Variants in PHF10 observed in about 807,000 individuals in gnomAD.
PHF10 encodes the protein BRG1-associated factor 45a.
PHF10 carries 51 observed loss-of-function variants against 68.5 expected under a neutral mutation model. The observed-to-expected ratio is 0.74, with a 90% CI of 0.59 to 0.94. The LOEUF is 0.94. Among genes scored for constraint, PHF10 ranks in the 40% least tolerant of loss-of-function variants. The pLI, the probability that PHF10 is intolerant of heterozygous loss-of-function variation, is 0.00. For missense variants in PHF10, 460 were observed against 602.6 expected, an observed-to-expected ratio of 0.76 and a Z score of 2.48; for synonymous variants, 204 against 203.5, an observed-to-expected ratio of 1.00 and a Z score of -0.02.
chr6:169,723,281 A>G (rs1401544446), intron 1 of PHF10, among the ~76,000 whole-genome samples: 5 of 152,022 alleles, frequency 3.3e-5, no homozygotes, highest in African/African-American at 1.2e-4. Context: ...GCTCATCTCC[A>G]TTTTCTCCAC....
At chr6:169,713,598 C>CA (rs755248180) in intron 7 of PHF10, among the ~76,000 whole-genome samples, 1,035 of 76,466 alleles carry the variant, frequency 0.014, 12 homozygotes, top group Middle Eastern at 0.043. Context: ...GACTCCATCT[C>CA]AAAAAAAAAA....
intron 1 of PHF10, 35 bp from the exon 2 acceptor site, chr6:169,721,146 A>G (rs1170414224): frequency 8.5e-7 from 1 of 1,171,260 alleles, no homozygotes; most frequent in Non-Finnish European, 1.2e-6. Flanking sequence ...TAATAATTAG[A>G]GAAAGAATAA....
intron 10 of PHF10, 71 bp downstream of exon 10, chr6:169,705,543 GAA>G: frequency 1.1e-6 from 1 of 910,292 alleles, no homozygotes; most frequent in Non-Finnish European, 1.8e-6. Flanking sequence ...AAATCTGCCT[GAA>G]ACTATAAATT....
Position 169,703,954 on chromosome 6 carries a change from C to G in PHF10, c.*49G>C. On this transcript the variant is annotated 3_prime_UTR_variant, in exon 12 of 12. Coordinates refer to ENST00000339209, the MANE Select transcript of PHF10 (RefSeq NM_018288.4). Reference sequence around the variant, plus strand: ...CATGAAAATAATGTTGTAAATGGCACCAAATATTCCACTTAAATGCATATA... The same window carrying G: ...CATGAAAATAATGTTGTAAATGGCAGCAAATATTCCACTTAAATGCATATA... 1 of 1,373,642 alleles carries G rather than the reference C, an allele frequency of 7.3e-7. No individual in the cohort carries two copies. Among genetic ancestry groups the G allele is most frequent in the Non-Finnish European group, 9.9e-7 (1 of 1,008,162 alleles). The allele number at this position is 1,373,642 out of a possible 1,614,324, so 85.1% of individuals were successfully genotyped here.
In PHF10 at chr6:169,712,544, A is replaced by G. The variant is rs1459577756; in HGVS notation, c.804-5T>C. Reference sequence around the variant, plus strand: ...CGCAGCTCATCTGGTGAGTACCTGAAGTTCAGAGAGTTTATTTTTGGTTTC... The same window carrying G: ...CGCAGCTCATCTGGTGAGTACCTGAGGTTCAGAGAGTTTATTTTTGGTTTC... On this transcript the variant is annotated splice_region_variant and splice_polypyrimidine_tract_variant and intron_variant, in intron 7 of 11. Transcript: ENST00000339209. 1.3e-6 allele frequency: 2 copies of G among 1,598,384 alleles called. No homozygotes were observed. The highest frequency in any genetic ancestry group is 2.3e-5 in the South Asian group (2 of 88,082).
At chr6:169,704,254 T>TA in intron 11 of PHF10, 166 bp from the exon 12 acceptor site, 2 of 544,670 alleles carry the variant, frequency 3.7e-6, no homozygotes, top group Non-Finnish European at 6.5e-6. Flanking sequence ...AATGTAAACT[T>TA]AATCAATGTA....
At chr6:169,711,047 T>TA (rs1215978217) in intron 8 of PHF10, among the ~76,000 whole-genome samples, 2 of 152,180 alleles carry the variant, frequency 1.3e-5, no homozygotes, top group Admixed American at 1.3e-4. Context: ...AATTATAAAT[T>TA]AAAAAATTAG....
intron 9 of PHF10, chr6:169,708,053 A>T (rs1244766299): frequency 2.0e-5 from 3 of 152,166 alleles, no homozygotes; most frequent in Non-Finnish European, 4.4e-5. Context: ...AATGGAGCAC[A>T]CTCCTATGTG....
At position 169,705,885 on chromosome 6, in the gene PHF10, A is replaced by C. The variant is rs369691797; in HGVS notation, c.1114-161T>G. Among the ~76,000 whole-genome samples, 29 of 152,322 alleles carry C rather than the reference A, an allele frequency of 1.9e-4. No individual in the cohort carries two copies. In the South Asian group the frequency reaches 3.9e-3, roughly 21 times the overall value. On this transcript the variant is annotated intron_variant, in intron 9 of 11. Coordinates refer to ENST00000339209, the MANE Select transcript of PHF10 (RefSeq NM_018288.4). ...GACAGGAGTCTGCCTACAATGTAAG[A>C]CTGCCTACTGAAGAAAGCATTAATT...
At position 169,714,715 on chromosome 6, in the gene PHF10, A is replaced by G. The variant is rs1244497876; in HGVS notation, c.803+18T>C. Reference sequence around the variant, plus strand: ...TTACCAATAGCCGATACCAACTGTAACTAAAACTACTAAATACCTCTTATA... The same window carrying G: ...TTACCAATAGCCGATACCAACTGTAGCTAAAACTACTAAATACCTCTTATA... On this transcript the variant is annotated intron_variant, in intron 7 of 11. Transcript: ENST00000339209. The G allele has an allele frequency of 8.0e-7, 1 of 1,248,526 alleles. No homozygotes were observed. The allele number at this position is 1,248,526 out of a possible 1,614,324, so 77.3% of individuals were successfully genotyped here.
Position 169,719,037 on chromosome 6 carries a change from G to A in PHF10, c.195-119C>T. 4.7e-6 allele frequency: 3 copies of A among 638,982 alleles called. No homozygotes were observed. In the South Asian group the frequency reaches 6.0e-5, roughly 13 times the overall value. 39.6% of individuals were successfully genotyped at this position (638,982 alleles called of 1,614,324 possible). ...TTAAATTATTTGCCTCCTATGACTT[G>A]ACTTCCTGTGTATCAAAGAAAATTA... On this transcript the variant is annotated intron_variant, in intron 2 of 11. Transcript: ENST00000339209.
intron 9 of PHF10, chr6:169,706,947 A>G (rs1199768702): frequency 6.6e-6 from 1 of 152,214 alleles, no homozygotes; most frequent in Non-Finnish European, 1.5e-5. Context: ...TGCCACCTTC[A>G]TAACCTGTTA....
chr6:169,705,418 G>T, intron 10 of PHF10, 97 bp from the exon 11 acceptor site: 1 of 854,182 alleles, frequency 1.2e-6, no homozygotes, highest in Non-Finnish European at 1.9e-6. Flanking sequence ...CCAGAGAATG[G>T]CTATAATGTC....
chr6:169,710,074 G>A, intron 9 of PHF10, 162 bp downstream of exon 9: 2 of 507,720 alleles, frequency 3.9e-6, no homozygotes, highest in Non-Finnish European at 7.0e-6. Context: ...AGCCACCAAG[G>A]AAATAAAGCA....
At chr6:169,717,968 T>G in intron 3 of PHF10, 62 bp from the exon 4 acceptor site, 3 of 694,596 alleles carry the variant, frequency 4.3e-6, no homozygotes, top group Non-Finnish European at 7.3e-6. Flanking sequence ...TGTAAAACTT[T>G]TAAAAGCTTA....
At chr6:169,705,418 G>A in intron 10 of PHF10, 97 bp from the exon 11 acceptor site, 1 of 854,188 alleles carries the variant, frequency 1.2e-6, no homozygotes, top group Non-Finnish European at 1.9e-6. Flanking sequence ...CCAGAGAATG[G>A]CTATAATGTC....
At chr6:169,705,778 T>G in intron 9 of PHF10, 54 bp from the exon 10 acceptor site, 1 of 882,484 alleles carries the variant, frequency 1.1e-6, no homozygotes. Flanking sequence ...TACTATGGGT[T>G]TAAAAGGAAT....
chr6:169,710,262 G>C lies in PHF10; in HGVS notation c.1087C>G (p.Leu363Val), dbSNP rs777578804. 3 of 1,612,370 alleles carry C rather than the reference G, an allele frequency of 1.9e-6. No individual in the cohort carries two copies. The highest frequency in any genetic ancestry group is 2.7e-5 in the African/African-American group (2 of 74,862). The change falls in exon 9 of 12, where the codon CTG becomes GTG. Residue 363 changes from leucine to valine, a missense_variant. Physicochemically the swap from Leu to Val is conservative, Grantham distance 32. This residue lies in a region of PHF10 where 256 missense variants were observed against 410.5 expected (regional missense o/e 0.62). Transcript: ENST00000339209. ...TTGTACCCAGGAACTGACTTGGACA[G>C]TACAGAACGTTTGGGACCATCTTTT... Reference protein sequence around the residue: ...PRKDGPKRSVLSKSVPGYKPK... With the variant: ...PRKDGPKRSVVSKSVPGYKPK...
chr6:169,703,949 T>G lies in PHF10; in HGVS notation c.*54A>C. 7.4e-7 allele frequency: 1 copy of G among 1,342,960 alleles called. No individual in the cohort carries two copies. The highest frequency in any genetic ancestry group is 1.0e-6 in the Non-Finnish European group (1 of 980,600). The allele number at this position is 1,342,960 out of a possible 1,614,324, so 83.2% of individuals were successfully genotyped here. On this transcript the variant is annotated 3_prime_UTR_variant, in exon 12 of 12. Coordinates refer to ENST00000339209, the MANE Select transcript of PHF10 (RefSeq NM_018288.4). ...ATTGGCATGAAAATAATGTTGTAAA[T>G]GGCACCAAATATTCCACTTAAATGC...
Sources: allele counts gnomAD v4.1 joint callset (sites outside exome capture counted in the v4.1 genomes callset), GRCh38; gene constraint gnomAD v4.1.1; regional missense constraint gnomAD v4.1.1; transcripts MANE v1.5; gene names NCBI Gene and HGNC (gene_info 2026-07-23, HGNC 2026-07-21).